Variants in GBF1 observed in about 807,000 individuals in gnomAD.
GBF1 encodes the protein golgi brefeldin A resistant guanine nucleotide exchange factor 1, also known as Golgi-specific brefeldin A-resistance guanine nucleotide exchange factor 1.
GBF1 carries 114 observed loss-of-function variants against 210.5 expected under a neutral mutation model. The observed-to-expected ratio is 0.54, with a 90% confidence interval of 0.47 to 0.63. The LOEUF is 0.63. Among genes scored for constraint, GBF1 ranks in the 30% least tolerant of loss-of-function variants. GBF1 has a pLI of 0.00. For synonymous variants in GBF1, 850 were observed against 889.2 expected (o/e 0.96, Z 0.78); for missense variants, 1,851 against 2,357.7 (o/e 0.79, Z 4.45).
intron 4 of GBF1, among the ~76,000 whole-genome samples, chr10:102,350,973 G>A (rs1468202120): frequency 4.6e-5 from 7 of 151,746 alleles, no homozygotes; most frequent in African/African-American, 1.7e-4. Context: ...TGTAATGCCA[G>A]CTACTCGGGA....
chr10:102,349,004 C>A (rs1033469023), intron 4 of GBF1, among the ~76,000 whole-genome samples: 6 of 151,920 alleles, frequency 3.9e-5, no homozygotes, highest in African/African-American at 1.5e-4. Flanking sequence ...CAAAAATTCT[C>A]CTGGCATGTT....
rs4244351 is a variant in GBF1, at chr10:102,249,113, G to T, written c.-11+3332G>T. Among the ~76,000 whole-genome samples the T allele has an allele frequency of 2.6e-5, 4 of 152,180 alleles. No homozygotes were observed. In the East Asian group the frequency reaches 5.8e-4, roughly 22 times the overall value. On this transcript the variant is annotated intron_variant, in intron 1 of 39. Coordinates refer to ENST00000369983, the MANE Select transcript of GBF1 (RefSeq NM_001377137.1). ...ATTTTTAAGCCTTTTTCAGGCCAAA[G>T]AAAATATGTCTGTGGACTGGATTCT...
At chr10:102,308,572 G>A (rs2078126888) in intron 3 of GBF1, among the ~76,000 whole-genome samples, 1 of 152,060 alleles carries the variant, frequency 6.6e-6, no homozygotes, top group Non-Finnish European at 1.5e-5. Context: ...CATGTCCTTT[G>A]TAGGGACATG....
intron 3 of GBF1, among the ~76,000 whole-genome samples, chr10:102,266,270 A>G (rs1241027908): frequency 6.6e-6 from 1 of 151,826 alleles, no homozygotes; most frequent in African/African-American, 2.4e-5. Flanking sequence ...CTTGAGGCCC[A>G]GTATAGGTAC....
intron 3 of GBF1, among the ~76,000 whole-genome samples, chr10:102,261,165 A>G (rs944937954): frequency 1.3e-5 from 2 of 152,120 alleles, no homozygotes; most frequent in Non-Finnish European, 2.9e-5. Flanking sequence ...TGCCTGGTTT[A>G]GGGCTCTTTG....
intron 3 of GBF1, among the ~76,000 whole-genome samples, chr10:102,308,438 C>T (rs952002463): frequency 3.5e-4 from 53 of 152,174 alleles, no homozygotes; most frequent in African/African-American, 1.2e-3. Context: ...ATGTTTATTG[C>T]GGCACTATTC....
At chr10:102,381,695 C>G (rs1403042498) in intron 39 of GBF1, among the ~76,000 whole-genome samples, 1 of 151,794 alleles carries the variant, frequency 6.6e-6, no homozygotes, top group Non-Finnish European at 1.5e-5. Context: ...CGTGGTAGTG[C>G]ACACCTATAA....
intron 3 of GBF1, among the ~76,000 whole-genome samples, chr10:102,283,337 A>G (rs112532311): frequency 6.6e-6 from 1 of 152,226 alleles, no homozygotes; most frequent in Non-Finnish European, 1.5e-5. Flanking sequence ...GTCCAGGCAC[A>G]GGTAAATTCT....
chr10:102,353,552 C>A, intron 7 of GBF1, 48 bp from the exon 8 acceptor site: 1 of 1,278,414 alleles, frequency 7.8e-7, no homozygotes, highest in Non-Finnish European at 1.1e-6. Flanking sequence ...TGGAGGGAGA[C>A]ATTTGTCATT....
intron 3 of GBF1, among the ~76,000 whole-genome samples, chr10:102,312,570 T>C (rs772029): frequency 0.34 from 51,909 of 152,118 alleles, 9,230 homozygotes; most frequent in South Asian, 0.48. Context: ...CCATCCGTTG[T>C]AAGGGAATGC....
At chr10:102,305,627 A>C (rs1589569231) in intron 3 of GBF1, among the ~76,000 whole-genome samples, 1 of 152,264 alleles carries the variant, frequency 6.6e-6, no homozygotes, top group East Asian at 1.9e-4. Context: ...AAAAGAAAAA[A>C]GAAATTGGAG....
intron 3 of GBF1, among the ~76,000 whole-genome samples, chr10:102,299,959 A>T (rs2077207039): frequency 6.6e-6 from 1 of 152,210 alleles, no homozygotes; most frequent in Non-Finnish European, 1.5e-5. Context: ...AAAGTAGGAT[A>T]GAATAAACTT....
intron 4 of GBF1, among the ~76,000 whole-genome samples, chr10:102,345,226 G>C (rs1407566604): frequency 6.8e-6 from 1 of 147,658 alleles, no homozygotes; most frequent in Non-Finnish European, 1.5e-5. Context: ...AGTTTGCAGA[G>C]AGCAGAGATC....
chr10:102,282,402 TGAG>T (rs995250214), intron 3 of GBF1, among the ~76,000 whole-genome samples: 1 of 152,138 alleles, frequency 6.6e-6, no homozygotes, highest in Admixed American at 6.5e-5. Context: ...AAAAAGGCGA[TGAG>T]GTTATTTATT....
intron 3 of GBF1, among the ~76,000 whole-genome samples, chr10:102,286,894 C>G (rs2075995803): frequency 6.6e-6 from 1 of 152,116 alleles, no homozygotes. Flanking sequence ...TATGTGAAAC[C>G]TACCCTTAAC....
chr10:102,310,037 G>T (rs2078270102), intron 3 of GBF1, among the ~76,000 whole-genome samples: 1 of 152,174 alleles, frequency 6.6e-6, no homozygotes, highest in Non-Finnish European at 1.5e-5. Flanking sequence ...TTGAAGAGTT[G>T]TACTGGGTAT....
chr10:102,280,896 G>C (rs1253204603), intron 3 of GBF1, among the ~76,000 whole-genome samples: 1 of 152,198 alleles, frequency 6.6e-6, no homozygotes, highest in Non-Finnish European at 1.5e-5. Flanking sequence ...ATTGTTCTGG[G>C]AAAGGAAGTG....
intron 3 of GBF1, among the ~76,000 whole-genome samples, chr10:102,334,719 T>G (rs1010182265): frequency 3.3e-5 from 5 of 152,086 alleles, no homozygotes; most frequent in Admixed American, 3.3e-4. Context: ...CGTGGTGGCT[T>G]GCGCCTGTAG....
chr10:102,266,506 A>G (rs1324786661), intron 3 of GBF1, among the ~76,000 whole-genome samples: 2 of 152,214 alleles, frequency 1.3e-5, no homozygotes, highest in East Asian at 3.8e-4. Context: ...GACAGGACTA[A>G]TGACTCTAGC....
Sources: gnomAD v4.1 joint callset for allele counts (sites outside exome capture counted in the v4.1 genomes callset) on GRCh38, gnomAD v4.1.1 for gene constraint, MANE v1.5 for transcripts, NCBI Gene and HGNC (gene_info 2026-07-23, HGNC 2026-07-21) for gene names.